The following EXOC4 variants were observed in gnomAD, a reference collection of about 807,000 sequenced individuals.
EXOC4 encodes exocyst complex component 4, also known as SEC8-like 1.
EXOC4 carries 71 observed loss-of-function variants against 107.2 expected under a neutral mutation model. That is an observed-to-expected ratio of 0.66 (90% CI 0.55 to 0.81). EXOC4 has a LOEUF of 0.81. Among genes scored for constraint, EXOC4 ranks in the 30% least tolerant of loss-of-function variants. The probability of loss-of-function intolerance (pLI) is 0.00; values close to 1 mark genes in which losing one functional copy is unlikely to be tolerated. For missense variants in EXOC4, 1,108 were observed against 1,189.6 expected (o/e 0.93, Z 1.01); for synonymous variants, 456 against 441.2 (o/e 1.03, Z -0.42).
chr7:134,067,133 G>C (rs1404008454), downstream of EXOC4, among the ~76,000 whole-genome samples: 2 of 137,086 alleles, frequency 1.5e-5, no homozygotes, highest in African/African-American at 5.5e-5. Flanking sequence ...CTAGGCGACA[G>C]AGCGACACTC....
chr7:133,423,225 CCAAAAAAAAAAAAA>C lies in EXOC4; in HGVS notation c.1182+48224_1182+48237del, dbSNP rs1797643603. On this transcript the variant is annotated intron_variant, in intron 7 of 17. Transcript: ENST00000253861. ...TGGGCGACAGAGCGAGACTCCGTCT[CCAAAAAAAAAAAAA>C]AAAAAAAAAAAAATAGAATTAATGG... 1.6e-4 allele frequency among the ~76,000 whole-genome samples: 2 copies of C among 12,158 alleles called. 1 individual carries two copies. The highest frequency in any genetic ancestry group is 2.3e-4 in the Non-Finnish European group (2 of 8,672). 8.0% of individuals were successfully genotyped at this position (12,158 alleles called of 152,430 possible).
intron 11 of EXOC4, among the ~76,000 whole-genome samples, chr7:133,848,482 A>C (rs1267416043): frequency 6.6e-6 from 1 of 152,246 alleles, no homozygotes; most frequent in Non-Finnish European, 1.5e-5. Flanking sequence ...CTAGCAGGCA[A>C]ACATGTCTAA....
intron 10 of EXOC4, among the ~76,000 whole-genome samples, chr7:133,790,980 T>C (rs1796691175): frequency 6.6e-6 from 1 of 152,256 alleles, no homozygotes; most frequent in Non-Finnish European, 1.5e-5. Context: ...ATATCTACTT[T>C]AGTTGTAGAC....
In EXOC4 at chr7:133,475,368, C is replaced by T. The variant is rs1563079684; in HGVS notation, c.1223C>T (p.Thr408Met). 6.2e-6 allele frequency: 10 copies of T among 1,613,588 alleles called. No individual in the cohort carries two copies. The highest frequency in any genetic ancestry group is 7.6e-6 in the Non-Finnish European group (9 of 1,179,594). ...TACTTGGATATGAAAAATACTCGTA[C>T]GGCCTCTGAACCATCAGCTCAACTA... ...TEYLDMKNTRTASEPSAQLSY... is the reference protein window; with the variant it reads ...TEYLDMKNTRMASEPSAQLSY... Residue 408 changes from threonine (T) to methionine (M), a missense_variant, in exon 8 of 18, where the codon ACG (threonine) becomes ATG (methionine). Physicochemically the swap from Thr to Met is moderately conservative, Grantham distance 81. Coordinates refer to ENST00000253861, the MANE Select transcript of EXOC4 (RefSeq NM_021807.4).
chr7:133,379,000 A>C (rs1328246901), intron 7 of EXOC4, among the ~76,000 whole-genome samples: 1 of 152,162 alleles, frequency 6.6e-6, no homozygotes, highest in African/African-American at 2.4e-5. Flanking sequence ...ATATTTTATT[A>C]CTTTAAAAAT....
At chr7:133,377,170 G>A (rs1455488106) in intron 7 of EXOC4, among the ~76,000 whole-genome samples, 2 of 152,096 alleles carry the variant, frequency 1.3e-5, no homozygotes, top group African/African-American at 4.8e-5. Flanking sequence ...TGACCAAAAT[G>A]GTGAAACCCT....
At chr7:133,579,528 C>T (rs746620728) in intron 9 of EXOC4, among the ~76,000 whole-genome samples, 1 of 152,106 alleles carries the variant, frequency 6.6e-6, no homozygotes, top group Non-Finnish European at 1.5e-5. Context: ...GTGTACAGTA[C>T]AGTGTTACTA....
chr7:133,769,410 A>G lies in EXOC4; in HGVS notation c.1515-47915A>G, dbSNP rs541304791. On this transcript the variant is annotated intron_variant, in intron 10 of 17. Coordinates refer to ENST00000253861, the MANE Select transcript of EXOC4 (RefSeq NM_021807.4). Reference sequence around the variant, plus strand: ...ACTAAAGTGGAAAGTTTCATTCCCAATTAATGCACCATTTTTCTCAGAGAC... The same window carrying G: ...ACTAAAGTGGAAAGTTTCATTCCCAGTTAATGCACCATTTTTCTCAGAGAC... Among the ~76,000 whole-genome samples, 6 of 151,982 alleles carry G rather than the reference A, an allele frequency of 3.9e-5. No individual in the cohort carries two copies. The East Asian group carries it at 1.2e-3, about 30-fold the overall frequency.
At chr7:133,961,928 C>G (rs771935768) in intron 14 of EXOC4, among the ~76,000 whole-genome samples, 1 of 152,180 alleles carries the variant, frequency 6.6e-6, no homozygotes, top group Non-Finnish European at 1.5e-5. Context: ...CTAGTCCTTA[C>G]AGCAGCCTAT....
At chr7:133,643,744 AAAG>A (rs1393936735) in intron 10 of EXOC4, among the ~76,000 whole-genome samples, 2 of 152,226 alleles carry the variant, frequency 1.3e-5, no homozygotes, top group Non-Finnish European at 2.9e-5. Flanking sequence ...GATGAAGGAA[AAAG>A]GAAATAAAAT....
At chr7:133,666,711 C>G (rs1250663607) in intron 10 of EXOC4, among the ~76,000 whole-genome samples, 1 of 152,096 alleles carries the variant, frequency 6.6e-6, no homozygotes, top group African/African-American at 2.4e-5. Context: ...TAATGTATTC[C>G]AGACACTATG....
intron 3 of EXOC4, among the ~76,000 whole-genome samples, chr7:133,289,412 T>C (rs1398382791): frequency 1.3e-5 from 2 of 152,224 alleles, no homozygotes; most frequent in African/African-American, 2.4e-5. Context: ...CAGAGGAAGA[T>C]AGTTAATGAA....
Position 133,395,438 on chromosome 7 carries a change from T to A in EXOC4, c.1182+20436T>A, listed in dbSNP as rs183542003. 4.2e-4 allele frequency among the ~76,000 whole-genome samples: 64 copies of A among 152,262 alleles called. No individual in the cohort carries two copies. In the East Asian group the frequency reaches 0.012, roughly 29 times the overall value. The stretch of plus-strand genomic sequence containing the variant: ...CAGCCAGAAGAGCTTGGGAAAATTC[T>A]TGTATTTTATATCTATTATGCTCTT... On this transcript the variant is annotated intron_variant, in intron 7 of 17. Transcript: ENST00000253861.
chr7:133,358,662 C>T (rs2150662464), intron 6 of EXOC4, among the ~76,000 whole-genome samples: 1 of 152,218 alleles, frequency 6.6e-6, no homozygotes, highest in Non-Finnish European at 1.5e-5. Flanking sequence ...AGTGAACTTT[C>T]CTAGGGAAAT....
At position 133,850,634 on chromosome 7, in the gene EXOC4, A is replaced by AC. The variant is rs765233180; in HGVS notation, c.1734+33097dup. Among the ~76,000 whole-genome samples the AC allele has an allele frequency of 2.6e-3, 386 of 147,756 alleles. 6 individuals are homozygous for AC. Among genetic ancestry groups the AC allele is most frequent in the African/African-American group, 7.6e-3 (305 of 39,918 alleles). ...AGAGGGCTTAAAGGTTATCTAGGTTACCCCCCCACACACACACACACCCAT... is the reference window on the plus strand; with the variant it reads ...AGAGGGCTTAAAGGTTATCTAGGTTACCCCCCCCACACACACACACACCCAT... On this transcript the variant is annotated intron_variant, in intron 11 of 17. Coordinates refer to ENST00000253861, the MANE Select transcript of EXOC4 (RefSeq NM_021807.4).
At chr7:133,966,277 G>A (rs905198962) in intron 14 of EXOC4, among the ~76,000 whole-genome samples, 1 of 152,212 alleles carries the variant, frequency 6.6e-6, no homozygotes, top group African/African-American at 2.4e-5. Context: ...TGCAGACAGA[G>A]ATAATTTAAC....
chr7:133,728,013 C>T (rs923980750), intron 10 of EXOC4, among the ~76,000 whole-genome samples: 1 of 151,900 alleles, frequency 6.6e-6, no homozygotes, highest in South Asian at 2.1e-4. Context: ...AAATCATTGC[C>T]GACTTGGCAG....
At chr7:133,462,054 A>G (rs1305281158) in intron 7 of EXOC4, among the ~76,000 whole-genome samples, 1 of 152,238 alleles carries the variant, frequency 6.6e-6, no homozygotes, top group Non-Finnish European at 1.5e-5. Context: ...CAGTATATAG[A>G]CATGTATAAG....
intron 8 of EXOC4, chr7:133,479,832 C>A: frequency 1.9e-6 from 1 of 537,558 alleles, no homozygotes. Context: ...GCAAAAGATC[C>A]AAATACGGTT....
Sources: gnomAD v4.1 joint callset for allele counts (sites outside exome capture counted in the v4.1 genomes callset) on GRCh38, gnomAD v4.1.1 for gene constraint, MANE v1.5 for transcripts, NCBI Gene and HGNC (gene_info 2026-07-23, HGNC 2026-07-21) for gene names.